Variants in TENM3 observed in about 807,000 individuals in gnomAD.
TENM3 encodes teneurin transmembrane protein 3, also known as teneurin-3.
A neutral mutation model predicts 255.1 loss-of-function variants in TENM3; 63 were observed. The observed-to-expected ratio is 0.25, with a 90% CI of 0.20 to 0.30. The LOEUF (loss-of-function observed/expected upper bound fraction) is 0.30. Among genes scored for constraint, TENM3 ranks in the 10% least tolerant of loss-of-function variants. The pLI is 1.00. For synonymous variants in TENM3, 1,306 were observed against 1,322.3 expected, an observed-to-expected ratio of 0.99 and a Z score of 0.27; for missense variants, 2,929 against 3,461.1, an observed-to-expected ratio of 0.85 and a Z score of 3.86.
the TENM3 span, among the ~76,000 whole-genome samples, chr4:181,670,711 T>C: frequency 0.45 from 68,603 of 152,032 alleles, 15,655 homozygotes; most frequent in African/African-American, 0.48. Flanking sequence ...GGTACAGTCT[T>C]CACATAGTGA....
At chr4:182,311,694 C>T (rs1294778461) in intron 1 of TENM3, among the ~76,000 whole-genome samples, 1 of 152,142 alleles carries the variant, frequency 6.6e-6, no homozygotes, top group East Asian at 1.9e-4. Flanking sequence ...ATATTTTAAG[C>T]ACTCAATAAA....
chr4:182,074,466 G>A, the TENM3 span, among the ~76,000 whole-genome samples: 1 of 152,204 alleles, frequency 6.6e-6, no homozygotes, highest in Non-Finnish European at 1.5e-5. Context: ...CTTGTGGAAG[G>A]AATTTAAAGT....
At chr4:182,129,333 T>C in the TENM3 span, among the ~76,000 whole-genome samples, 1 of 152,158 alleles carries the variant, frequency 6.6e-6, no homozygotes, top group African/African-American at 2.4e-5. Flanking sequence ...AGAAGGAAAA[T>C]GTGAGAAACC....
chr4:182,435,107 C>G (rs1771948594), intron 3 of TENM3, among the ~76,000 whole-genome samples: 1 of 152,182 alleles, frequency 6.6e-6, no homozygotes, highest in Admixed American at 6.5e-5. Context: ...GATGCCATTT[C>G]CATTTAAGTA....
At chr4:182,118,947 A>G in the TENM3 span, among the ~76,000 whole-genome samples, 1 of 152,320 alleles carries the variant, frequency 6.6e-6, no homozygotes, top group South Asian at 2.1e-4. Context: ...GGTACAAAAG[A>G]ACTGCAAAAA....
chr4:182,072,151 G>T, the TENM3 span, among the ~76,000 whole-genome samples: 10 of 152,254 alleles, frequency 6.6e-5, no homozygotes, highest in Non-Finnish European at 1.0e-4. Context: ...AATCCTTACT[G>T]CTTAACTGCC....
At chr4:181,473,526 C>T in the TENM3 span, among the ~76,000 whole-genome samples, 8 of 151,748 alleles carry the variant, frequency 5.3e-5, no homozygotes, top group South Asian at 4.2e-4. Flanking sequence ...CAGGAGGTTG[C>T]GGCTGCAGTG....
the TENM3 span, among the ~76,000 whole-genome samples, chr4:181,671,180 G>A: frequency 0.055 from 8,434 of 152,142 alleles, 327 homozygotes; most frequent in Middle Eastern, 0.16. Flanking sequence ...TCCTTAACAA[G>A]TGAGTTCATG....
the TENM3 span, among the ~76,000 whole-genome samples, chr4:181,854,873 AATAG>A: frequency 6.6e-6 from 1 of 152,208 alleles, no homozygotes; most frequent in Non-Finnish European, 1.5e-5. Context: ...TCAGATTAAT[AATAG>A]AGACTACAGA....
intron 1 of TENM3, among the ~76,000 whole-genome samples, chr4:182,177,305 C>T (rs1282627821): frequency 1.3e-5 from 2 of 151,824 alleles, no homozygotes; most frequent in Non-Finnish European, 2.9e-5. Flanking sequence ...TGAAGTAGCC[C>T]CAAACACTTT....
At chr4:181,768,643 C>CA in the TENM3 span, among the ~76,000 whole-genome samples, 1 of 152,140 alleles carries the variant, frequency 6.6e-6, no homozygotes, top group Admixed American at 6.6e-5. Context: ...ATTTATATGA[C>CA]AAAATGCTGT....
chr4:181,713,364 A>T, the TENM3 span, among the ~76,000 whole-genome samples: 1 of 152,202 alleles, frequency 6.6e-6, no homozygotes, highest in Non-Finnish European at 1.5e-5. Context: ...GCTGGTCAAG[A>T]ACAAAGATAT....
intron 3 of TENM3, among the ~76,000 whole-genome samples, chr4:182,561,985 C>CAGACAGATAGAT (rs1553986594): frequency 7.6e-5 from 11 of 145,310 alleles, no homozygotes; most frequent in East Asian, 4.3e-4. Flanking sequence ...GATAGATAGA[C>CAGACAGATAGAT]AGATAGATAG....
intron 3 of TENM3, among the ~76,000 whole-genome samples, chr4:182,383,631 TC>T (rs1452016006): frequency 1.3e-5 from 2 of 151,992 alleles, no homozygotes; most frequent in East Asian, 3.9e-4. Flanking sequence ...CATCCCTCCC[TC>T]CCCCCATTTT....
the TENM3 span, chr4:181,976,387 G>C: frequency 1.3e-5 from 2 of 152,212 alleles, no homozygotes; most frequent in African/African-American, 4.8e-5. Context: ...CCAAAGTGCT[G>C]GGGTTATGGG....
At position 182,505,635 on chromosome 4, in the gene TENM3, C is replaced by T. The variant is rs1195942848; in HGVS notation, c.512-95289C>T. On this transcript the variant is annotated intron_variant, in intron 3 of 27. Coordinates refer to ENST00000511685, the MANE Select transcript of TENM3 (RefSeq NM_001080477.4). ...CTGGGATTACAGGCACCCACTACCACGCCCGGCTATTTTTTTTTATTTTCA... is the reference window on the plus strand; with the variant it reads ...CTGGGATTACAGGCACCCACTACCATGCCCGGCTATTTTTTTTTATTTTCA... Among the ~76,000 whole-genome samples the T allele has an allele frequency of 3.3e-5, 5 of 152,020 alleles. No individual in the cohort carries two copies. The South Asian group carries it at 6.2e-4, about 19-fold the overall frequency.
At chr4:182,319,884 G>A (rs1485090649) in intron 1 of TENM3, among the ~76,000 whole-genome samples, 1 of 152,186 alleles carries the variant, frequency 6.6e-6, no homozygotes, top group Non-Finnish European at 1.5e-5. Flanking sequence ...AGGCCAAGGC[G>A]GGCAGATCAC....
chr4:182,497,619 A>G (rs1735900694), intron 3 of TENM3, among the ~76,000 whole-genome samples: 1 of 152,136 alleles, frequency 6.6e-6, no homozygotes, highest in African/African-American at 2.4e-5. Flanking sequence ...ATGAAACTAC[A>G]TTTCTAATAT....
At chr4:181,633,985 T>C in the TENM3 span, among the ~76,000 whole-genome samples, 2 of 152,256 alleles carry the variant, frequency 1.3e-5, no homozygotes, top group African/African-American at 4.8e-5. Context: ...CCTTCTTCCA[T>C]ATTTGCGGTT....
Sources: allele counts gnomAD v4.1 joint callset (sites outside exome capture counted in the v4.1 genomes callset), GRCh38; gene constraint gnomAD v4.1.1; transcripts MANE v1.5; gene names NCBI Gene and HGNC (gene_info 2026-07-23, HGNC 2026-07-21).